The following DPP10 variants were observed in gnomAD, a reference collection of about 807,000 sequenced individuals.
DPP10 encodes the protein inactive dipeptidyl peptidase 10.
A neutral mutation model predicts 120.9 loss-of-function variants in DPP10; 33 were observed. That is an observed-to-expected ratio of 0.27 (90% confidence interval 0.21 to 0.37). The LOEUF is 0.37. DPP10 is among the 10% of genes least tolerant of loss of function. The pLI, the probability that DPP10 is intolerant of heterozygous loss-of-function variation, is 1.00. For missense variants in DPP10, 816 were observed against 942.8 expected (o/e 0.87, Z 1.76); for synonymous variants, 337 against 326.1 (o/e 1.03, Z -0.36).
intron 5 of DPP10, among the ~76,000 whole-genome samples, chr2:115,661,194 C>T (rs757549762): frequency 2.0e-5 from 3 of 152,098 alleles, no homozygotes; most frequent in South Asian, 2.1e-4. Flanking sequence ...TGTGATCCAC[C>T]CGCCTCAGCC....
At chr2:114,986,676 T>C (rs955495636) in intron 1 of DPP10, among the ~76,000 whole-genome samples, 1 of 152,188 alleles carries the variant, frequency 6.6e-6, no homozygotes, top group Non-Finnish European at 1.5e-5. Flanking sequence ...AATAGCATAA[T>C]TAAATAGCAA....
intron 3 of DPP10, among the ~76,000 whole-genome samples, chr2:115,494,632 C>A (rs1478328918): frequency 6.6e-6 from 1 of 151,962 alleles, no homozygotes; most frequent in African/African-American, 2.4e-5. Context: ...TTTAACAAAC[C>A]CTTCCTAGAT....
chr2:114,672,043 T>C (rs1698379458), intron 1 of DPP10, among the ~76,000 whole-genome samples: 1 of 152,148 alleles, frequency 6.6e-6, no homozygotes, highest in Non-Finnish European at 1.5e-5. Context: ...TTCTAAGTTT[T>C]CCTCATGGTG....
intron 1 of DPP10, among the ~76,000 whole-genome samples, chr2:115,244,085 T>C (rs1440380331): frequency 2.0e-5 from 3 of 151,226 alleles, no homozygotes; most frequent in Admixed American, 6.6e-5. Context: ...AATAAATGCT[T>C]AGGACAATAG....
intron 1 of DPP10, among the ~76,000 whole-genome samples, chr2:114,519,199 A>G (rs1337650769): frequency 6.6e-6 from 1 of 152,218 alleles, no homozygotes; most frequent in Non-Finnish European, 1.5e-5. Flanking sequence ...AGGCTGACAG[A>G]CAGTTTAGCT....
intron 1 of DPP10, among the ~76,000 whole-genome samples, chr2:115,171,030 C>T (rs763688019): frequency 7.2e-5 from 11 of 152,234 alleles, no homozygotes; most frequent in Non-Finnish European, 1.2e-4. Context: ...TGAGAGCCAT[C>T]GTCTGTCTAA....
In DPP10 at chr2:114,913,350, G is replaced by A. The variant is rs139437532; in HGVS notation, c.61-395889G>A. Reference sequence around the variant, plus strand: ...AGCACTTTTGCCAGCATCCCCCATCGGAGTGTTGTTGCAAGTGGACTGGGA... The same window carrying A: ...AGCACTTTTGCCAGCATCCCCCATCAGAGTGTTGTTGCAAGTGGACTGGGA... On this transcript the variant is annotated intron_variant, in intron 1 of 25. Transcript: ENST00000410059. Among the ~76,000 whole-genome samples, 161 of 152,254 alleles carry A rather than the reference G, an allele frequency of 1.1e-3. 1 individual carries two copies. Among genetic ancestry groups the A allele is most frequent in the African/African-American group, 3.3e-3 (136 of 41,552 alleles).
At chr2:115,494,681 C>A (rs1388097329) in intron 3 of DPP10, among the ~76,000 whole-genome samples, 1 of 151,972 alleles carries the variant, frequency 6.6e-6, no homozygotes, top group Non-Finnish European at 1.5e-5. Context: ...TTCATTTTTT[C>A]CACATTTTAT....
chr2:115,164,379 T>C (rs992158732), intron 1 of DPP10, among the ~76,000 whole-genome samples: 1 of 151,842 alleles, frequency 6.6e-6, no homozygotes, highest in African/African-American at 2.4e-5. Flanking sequence ...CACACAACTC[T>C]CGTGCAATAC....
At position 115,836,645 on chromosome 2, in the gene DPP10, G is replaced by A. The variant is rs736335; in HGVS notation, c.2110-29G>A. 2.5e-6 allele frequency: 4 copies of A among 1,610,340 alleles called. No homozygotes were observed. In the East Asian group the frequency reaches 6.7e-5, roughly 27 times the overall value. ...GTTAAATGGCTTATTTAGATCTATA[G>A]ATACAGATATTTGTATTTTCCTTTA... On this transcript the variant is annotated intron_variant, in intron 23 of 25. Transcript: ENST00000410059.
intron 1 of DPP10, among the ~76,000 whole-genome samples, chr2:114,643,866 T>TG (rs1695898478): frequency 4.0e-5 from 6 of 151,120 alleles, no homozygotes; most frequent in South Asian, 4.2e-4. Flanking sequence ...TTAGTGTGTG[T>TG]TTGTGTGTGT....
At chr2:114,922,054 C>T (rs1017730761) in intron 1 of DPP10, among the ~76,000 whole-genome samples, 2 of 152,080 alleles carry the variant, frequency 1.3e-5, no homozygotes, top group Non-Finnish European at 2.9e-5. Context: ...TGCTATTTGA[C>T]TATTTGACTT....
chr2:115,595,286 G>A (rs2082919128), intron 5 of DPP10, among the ~76,000 whole-genome samples: 1 of 151,916 alleles, frequency 6.6e-6, no homozygotes, highest in African/African-American at 2.4e-5. Flanking sequence ...AAAAAAATCT[G>A]TTACTATCTC....
intron 1 of DPP10, among the ~76,000 whole-genome samples, chr2:115,025,032 T>C (rs542344753): frequency 7.9e-5 from 12 of 151,946 alleles, no homozygotes; most frequent in Non-Finnish European, 1.6e-4. Flanking sequence ...AATCATTCTT[T>C]TCTAGATAAT....
At position 115,470,754 on chromosome 2, in the gene DPP10, C is replaced by T. The variant is rs79838316; in HGVS notation, c.272-28756C>T. Among the ~76,000 whole-genome samples the T allele has an allele frequency of 1.6e-3, 249 of 152,226 alleles. 1 individual carries two copies. The highest frequency in any genetic ancestry group is 5.3e-3 in the African/African-American group (220 of 41,544). On this transcript the variant is annotated intron_variant, in intron 3 of 25. Transcript: ENST00000410059. ...TTTGGTTTTCTATCCCCTTCTCCCC[C>T]AGTCTCAGTGAGATTTGCATTTTAA...
intron 1 of DPP10, among the ~76,000 whole-genome samples, chr2:114,755,842 C>A (rs1464706861): frequency 6.7e-6 from 1 of 150,106 alleles, no homozygotes; most frequent in African/African-American, 2.5e-5. Flanking sequence ...TCAGTTTGTT[C>A]TTTTGCATAT....
At chr2:114,532,096 T>C (rs1426172967) in intron 1 of DPP10, among the ~76,000 whole-genome samples, 1 of 151,486 alleles carries the variant, frequency 6.6e-6, no homozygotes, top group Non-Finnish European at 1.5e-5. Context: ...GTTTTTAGAC[T>C]CGGATCAAAA....
At chr2:115,707,749 TGTGCAGGAAAGCA>T (rs1415722601) in intron 7 of DPP10, among the ~76,000 whole-genome samples, 3 of 151,896 alleles carry the variant, frequency 2.0e-5, no homozygotes, top group Non-Finnish European at 2.9e-5. Flanking sequence ...TTCTTCTATA[TGTGCAGGAAAGCA>T]GTGCTATCCA....
At chr2:115,554,951 C>G (rs1006323307) in intron 5 of DPP10, among the ~76,000 whole-genome samples, 1 of 152,038 alleles carries the variant, frequency 6.6e-6, no homozygotes, top group African/African-American at 2.4e-5. Context: ...TAAATGTTCC[C>G]TTCTAATACA....
Sources: allele counts gnomAD v4.1 joint callset (sites outside exome capture counted in the v4.1 genomes callset), GRCh38; gene constraint gnomAD v4.1.1; transcripts MANE v1.5; gene names NCBI Gene and HGNC (gene_info 2026-07-23, HGNC 2026-07-21).